Variants in DPP10 observed in about 807,000 individuals in gnomAD.
DPP10 encodes the protein inactive dipeptidyl peptidase 10.
In DPP10, 33 loss-of-function variants were observed where a neutral mutation model predicts 120.9. The observed-to-expected ratio is 0.27, with a 90% CI of 0.21 to 0.37. DPP10 has a LOEUF of 0.37. DPP10 is among the 10% of genes least tolerant of loss of function. DPP10 has a pLI of 1.00. For missense variants in DPP10, 816 were observed against 942.8 expected (o/e 0.87, Z 1.76); for synonymous variants, 337 against 326.1 (o/e 1.03, Z -0.36).
Position 115,821,924 on chromosome 2 carries a change from T to C in DPP10, c.1950+6195T>C, listed in dbSNP as rs185110936. ...TGTTAAGTCACATAGTAATTCCATG[T>C]TTACCTGTATAAGGAATTTCCATAC... is the stretch of plus-strand genomic sequence containing the variant. On this transcript the variant is annotated intron_variant, in intron 21 of 25. Coordinates refer to ENST00000410059, the MANE Select transcript of DPP10 (RefSeq NM_020868.6). 5.3e-3 allele frequency among the ~76,000 whole-genome samples: 810 copies of C among 152,130 alleles called. 5 individuals carry two copies. The highest frequency in any genetic ancestry group is 9.2e-3 in the Non-Finnish European group (621 of 67,850).
intron 1 of DPP10, among the ~76,000 whole-genome samples, chr2:115,210,632 C>T (rs2056450441): frequency 6.6e-6 from 1 of 152,156 alleles, no homozygotes; most frequent in South Asian, 2.1e-4. Context: ...TACCATCCCA[C>T]CAACAGTGTA....
chr2:115,063,846 T>G (rs957709709), intron 1 of DPP10, among the ~76,000 whole-genome samples: 98 of 152,184 alleles, frequency 6.4e-4, no homozygotes, highest in African/African-American at 2.2e-3. Flanking sequence ...ATTCAGGACA[T>G]AGACAAGGGC....
chr2:114,636,924 T>C (rs1372948066), intron 1 of DPP10, among the ~76,000 whole-genome samples: 1 of 151,808 alleles, frequency 6.6e-6, no homozygotes, highest in Non-Finnish European at 1.5e-5. Flanking sequence ...AAATCACAAA[T>C]CACACAATGG....
intron 1 of DPP10, among the ~76,000 whole-genome samples, chr2:114,586,420 C>A (rs1388954311): frequency 6.6e-6 from 1 of 152,198 alleles, no homozygotes; most frequent in Non-Finnish European, 1.5e-5. Flanking sequence ...TTACTCACTG[C>A]ATGATGTGGG....
chr2:114,850,064 C>A (rs1304889413), intron 1 of DPP10, among the ~76,000 whole-genome samples: 2 of 48,568 alleles, frequency 4.1e-5, no homozygotes, highest in East Asian at 6.0e-4. Context: ...TTTTTTTTTT[C>A]TTTAAGAGAA....
At chr2:115,111,150 T>C (rs1180919769) in intron 1 of DPP10, among the ~76,000 whole-genome samples, 1 of 152,172 alleles carries the variant, frequency 6.6e-6, no homozygotes, top group Non-Finnish European at 1.5e-5. Context: ...TTTCCTTTCT[T>C]ATGTGCTTAT....
intron 1 of DPP10, among the ~76,000 whole-genome samples, chr2:115,283,755 T>G (rs2060252862): frequency 6.6e-6 from 1 of 152,070 alleles, no homozygotes; most frequent in African/African-American, 2.4e-5. Context: ...TTTCGGTCAG[T>G]GATGGACTAC....
At chr2:114,703,381 T>C (rs1292680076) in intron 1 of DPP10, among the ~76,000 whole-genome samples, 3 of 152,178 alleles carry the variant, frequency 2.0e-5, no homozygotes, top group East Asian at 1.9e-4. Context: ...AAGATCACAA[T>C]TGTGATTTTA....
chr2:115,660,953 T>C (rs1458917945), intron 5 of DPP10, among the ~76,000 whole-genome samples: 1 of 140,386 alleles, frequency 7.1e-6, no homozygotes, highest in Non-Finnish European at 1.6e-5. Context: ...CAGTTAAAAA[T>C]TCATATATTA....
chr2:115,767,357 A>G (rs1575722555), intron 12 of DPP10, among the ~76,000 whole-genome samples: 2 of 152,120 alleles, frequency 1.3e-5, no homozygotes, highest in African/African-American at 2.4e-5. Context: ...TTTATACCAT[A>G]TATAACCACC....
intron 1 of DPP10, among the ~76,000 whole-genome samples, chr2:115,118,085 T>C (rs1285097916): frequency 6.6e-6 from 1 of 152,154 alleles, no homozygotes; most frequent in Admixed American, 6.5e-5. Context: ...TGGGTTCCAA[T>C]CTAGATAAAT....
intron 2 of DPP10, among the ~76,000 whole-genome samples, chr2:115,334,235 T>TTG (rs2062974607): frequency 9.8e-5 from 13 of 133,144 alleles, no homozygotes; most frequent in Non-Finnish European, 1.8e-4. Flanking sequence ...ACTCTGTTTT[T>TTG]TTTTTTTTTT....
At chr2:114,549,866 C>T (rs1024300684) in intron 1 of DPP10, among the ~76,000 whole-genome samples, 1 of 152,028 alleles carries the variant, frequency 6.6e-6, no homozygotes, top group Non-Finnish European at 1.5e-5. Flanking sequence ...TCCTGGAAAG[C>T]TCCCATTTCA....
At chr2:115,679,767 T>A (rs2149469249) in intron 5 of DPP10, among the ~76,000 whole-genome samples, 1 of 152,294 alleles carries the variant, frequency 6.6e-6, no homozygotes, top group Middle Eastern at 3.4e-3. Flanking sequence ...ACCATGTGTA[T>A]CACTTGTACG....
At chr2:115,608,538 G>A (rs1479731962) in intron 5 of DPP10, among the ~76,000 whole-genome samples, 29 of 152,112 alleles carry the variant, frequency 1.9e-4, no homozygotes, top group Admixed American at 1.8e-3. Context: ...CCATGTAGTT[G>A]TTCCAAATAA....
chr2:114,456,006 C>A (rs1470955305), intron 1 of DPP10, among the ~76,000 whole-genome samples: 1 of 152,178 alleles, frequency 6.6e-6, no homozygotes, highest in East Asian at 1.9e-4. Context: ...AAATATCTAA[C>A]TTAAGGGTAC....
intron 5 of DPP10, among the ~76,000 whole-genome samples, chr2:115,617,451 A>T (rs1037368656): frequency 1.9e-4 from 29 of 151,540 alleles, no homozygotes; most frequent in African/African-American, 6.8e-4. Context: ...TTACTTTCAT[A>T]TTAAATACAT....
At chr2:114,834,304 A>G (rs1161449559) in intron 1 of DPP10, among the ~76,000 whole-genome samples, 5 of 151,628 alleles carry the variant, frequency 3.3e-5, no homozygotes, top group African/African-American at 1.2e-4. Context: ...CTACACACCT[A>G]TGTATATATA....
chr2:115,149,841 T>C (rs2051438294), intron 1 of DPP10, among the ~76,000 whole-genome samples: 1 of 152,200 alleles, frequency 6.6e-6, no homozygotes, highest in South Asian at 2.1e-4. Flanking sequence ...TCGTTGTGTA[T>C]CTGAAACTCA....
Sources: gnomAD v4.1 joint callset for allele counts (sites outside exome capture counted in the v4.1 genomes callset) on GRCh38, gnomAD v4.1.1 for gene constraint, MANE v1.5 for transcripts, NCBI Gene and HGNC (gene_info 2026-07-23, HGNC 2026-07-21) for gene names.